Variants in YTHDC2 observed in about 807,000 individuals in gnomAD.
The protein encoded by YTHDC2 is 3'-5' RNA helicase YTHDC2.
Under a neutral mutation model 174.9 loss-of-function variants are expected in YTHDC2, and 45 were observed. That is an observed-to-expected ratio of 0.26 (90% confidence interval 0.20 to 0.33). The LOEUF (loss-of-function observed/expected upper bound fraction) is 0.33, where lower values mean the gene tolerates loss of function less well. Among genes scored for constraint, YTHDC2 ranks in the 10% least tolerant of loss-of-function variants. YTHDC2 has a pLI of 1.00. For synonymous variants in YTHDC2, 657 were observed against 574.5 expected (o/e 1.14, Z -2.05); for missense variants, 1,650 against 1,723.7 (o/e 0.96, Z 0.76).
rs1488904506 is a variant in YTHDC2, at chr5:113,526,593, G to A, written c.483G>A (p.Arg161=). ...GNVFAVEAEN[R]EMSKTSGRLN... ...TTTTATTCATTTTCAAAGAAAACCG[G>A]GAAATGAGCAAGACAAGTGGGCGAC... Residue 161 remains arginine (R), a synonymous_variant, in exon 4 of 30, where the codon CGG becomes CGA. Transcript: ENST00000161863. The A allele has an allele frequency of 6.5e-7, 1 of 1,536,804 alleles. No homozygotes were observed. Among genetic ancestry groups the A allele is most frequent in the Non-Finnish European group, 8.8e-7 (1 of 1,138,360 alleles).
chr5:113,589,400 A>T (rs1778869736), intron 26 of YTHDC2, among the ~76,000 whole-genome samples: 2 of 102,848 alleles, frequency 1.9e-5, no homozygotes, highest in African/African-American at 9.7e-5. Flanking sequence ...AAAATTAAAA[A>T]AAAAAAAAAT....
At chr5:113,561,265 C>CT in intron 18 of YTHDC2, 80 bp downstream of exon 18, 1 of 1,061,306 alleles carries the variant, frequency 9.4e-7, no homozygotes. Context: ...TGGATTAGGC[C>CT]TTTAAAAAAT....
intron 17 of YTHDC2, among the ~76,000 whole-genome samples, chr5:113,557,869 A>G (rs1263664580): frequency 1.3e-5 from 2 of 152,234 alleles, no homozygotes; most frequent in Non-Finnish European, 2.9e-5. Flanking sequence ...TTTCATTGCC[A>G]TTTTTCAACA....
At chr5:113,548,168 TTTAA>T (rs1291508691) in intron 10 of YTHDC2, among the ~76,000 whole-genome samples, 1 of 152,192 alleles carries the variant, frequency 6.6e-6, no homozygotes, top group African/African-American at 2.4e-5. Context: ...TTTTAAATTA[TTTAA>T]TTATGTCTTG....
chr5:113,573,231 C>T (rs10038632), intron 23 of YTHDC2, among the ~76,000 whole-genome samples: 45,549 of 151,976 alleles, frequency 0.3, 8,821 homozygotes, highest in African/African-American at 0.53. Context: ...TTATAAAGCT[C>T]AGTTTGGCTG....
In YTHDC2 at chr5:113,587,541, T is replaced by G. The variant is rs774851406; in HGVS notation, c.3825+3062T>G. Reference sequence around the variant, plus strand: ...TAATATATATTATGTATTTATATATTAATATATTGTACATACATAATATAT... The same window carrying G: ...TAATATATATTATGTATTTATATATGAATATATTGTACATACATAATATAT... On this transcript the variant is annotated intron_variant, in intron 26 of 29. Transcript: ENST00000161863. Among the ~76,000 whole-genome samples, 92 of 140,684 alleles carry G rather than the reference T, an allele frequency of 6.5e-4. 9 individuals carry two copies. Among genetic ancestry groups the G allele is most frequent in the Non-Finnish European group, 8.9e-4 (59 of 66,006 alleles). The allele number at this position is 140,684 out of a possible 152,430, so 92.3% of individuals were successfully genotyped here.
chr5:113,539,247 C>T (rs541104386), intron 8 of YTHDC2, 66 bp downstream of exon 8: 1 of 625,020 alleles, frequency 1.6e-6, no homozygotes, highest in African/African-American at 1.9e-5. Flanking sequence ...AGTACTCCAT[C>T]CTTACATTGT....
intron 8 of YTHDC2, 84 bp from the exon 9 acceptor site, chr5:113,540,884 T>C: frequency 3.0e-6 from 4 of 1,325,726 alleles, no homozygotes; most frequent in Non-Finnish European, 4.1e-6. Context: ...AGATACCAGA[T>C]TCCCATAATT....
At position 113,566,957 on chromosome 5, in the gene YTHDC2, C is replaced by T. The variant is rs922291319; in HGVS notation, c.2843-135C>T. Reference sequence around the variant, plus strand: ...GGTGGTTCATATTTTAAACAACTTTCCAGAGGAGATTCTATTAATTATCGT... The same window carrying T: ...GGTGGTTCATATTTTAAACAACTTTTCAGAGGAGATTCTATTAATTATCGT... On this transcript the variant is annotated intron_variant, in intron 21 of 29. Coordinates refer to ENST00000161863, the MANE Select transcript of YTHDC2 (RefSeq NM_022828.5). 4.3e-5 allele frequency: 43 copies of T among 1,010,086 alleles called. No individual in the cohort carries two copies. In the Middle Eastern group the frequency reaches 1.9e-3, roughly 45 times the overall value. 62.6% of individuals were successfully genotyped at this position (1,010,086 alleles called of 1,614,324 possible).
Position 113,526,758 on chromosome 5 carries a change from A to G in YTHDC2, c.648A>G (p.Gly216=), listed in dbSNP as rs1774268624. ...IKENKVVLIV[G]ETGSGKTTQI... ...AAAATAAAGTAGTTTTGATTGTAGG[A>G]GAAACTGGGTCTGGAAAGACCACAC... Residue 216 remains glycine (G), a synonymous_variant, in exon 4 of 30, where the codon GGA becomes GGG. Transcript: ENST00000161863. The G allele has an allele frequency of 6.5e-7, 1 of 1,536,166 alleles. No individual in the cohort carries two copies. Among genetic ancestry groups the G allele is most frequent in the East Asian group, 2.4e-5 (1 of 40,924 alleles).
intron 17 of YTHDC2, among the ~76,000 whole-genome samples, chr5:113,558,459 A>C (rs1776752427): frequency 6.6e-6 from 1 of 152,156 alleles, no homozygotes; most frequent in South Asian, 2.1e-4. Context: ...AATTAATTCA[A>C]GAGATACTAA....
intron 27 of YTHDC2, 102 bp from the exon 28 acceptor site, chr5:113,591,894 C>G (rs1223255402): frequency 3.3e-6 from 3 of 917,042 alleles, no homozygotes; most frequent in Admixed American, 3.8e-5. Context: ...AATATTATAT[C>G]TTAATCTTAA....
intron 3 of YTHDC2, among the ~76,000 whole-genome samples, chr5:113,525,479 G>A (rs1164917241): frequency 2.0e-5 from 3 of 151,968 alleles, no homozygotes; most frequent in African/African-American, 7.2e-5. Context: ...AGCAACCTTT[G>A]CAAGGTAAGA....
At chr5:113,567,969 A>G (rs756102787) in intron 23 of YTHDC2, 120 bp downstream of exon 23, 93 of 720,064 alleles carry the variant, frequency 1.3e-4, no homozygotes, top group South Asian at 3.7e-4. Flanking sequence ...TAGCAGCTCT[A>G]TTTTGATGTA....
intron 4 of YTHDC2, among the ~76,000 whole-genome samples, chr5:113,531,487 G>A (rs756184372): frequency 6.6e-6 from 1 of 152,020 alleles, no homozygotes; most frequent in African/African-American, 2.4e-5. Context: ...ACCAATTAAA[G>A]GTTGGTCTTA....
Position 113,539,208 on chromosome 5 carries a change from A to G in YTHDC2, c.1210+27A>G, listed in dbSNP as rs537661994. 1.7e-5 allele frequency: 18 copies of G among 1,033,426 alleles called. No homozygotes were observed. In the South Asian group the frequency reaches 3.2e-4, roughly 19 times the overall value. 64.0% of individuals were successfully genotyped at this position (1,033,426 alleles called of 1,614,324 possible). On this transcript the variant is annotated intron_variant, in intron 8 of 29. Transcript: ENST00000161863. ...TAAATTTTTTAATAAAAGAAATATA[A>G]AAGAAATTACTATTGATAATGACTT...
At chr5:113,583,079 TTC>T (rs1377469408) in intron 25 of YTHDC2, 1 of 152,178 alleles carries the variant, frequency 6.6e-6, no homozygotes, top group African/African-American at 2.4e-5. Flanking sequence ...CTATGAAAAG[TTC>T]TGTTAGATTC....
intron 26 of YTHDC2, among the ~76,000 whole-genome samples, chr5:113,589,403 A>AT (rs1561713798): frequency 8.3e-6 from 1 of 120,624 alleles, no homozygotes; most frequent in African/African-American, 3.5e-5. Flanking sequence ...ATTAAAAAAA[A>AT]AAAAAATATA....
At chr5:113,553,493 C>G in intron 13 of YTHDC2, 97 bp from the exon 14 acceptor site, 2 of 1,452,746 alleles carry the variant, frequency 1.4e-6, no homozygotes, top group Non-Finnish European at 1.9e-6. Context: ...TGATAGTTTA[C>G]CAGTACTTGA....
Sources: gnomAD v4.1 joint callset for allele counts (sites outside exome capture counted in the v4.1 genomes callset) on GRCh38, gnomAD v4.1.1 for gene constraint, MANE v1.5 for transcripts, NCBI Gene and HGNC (gene_info 2026-07-23, HGNC 2026-07-21) for gene names.